The following CFAP54 variants were observed in gnomAD, a reference collection of about 807,000 sequenced individuals.
CFAP54 encodes cilia and flagella associated protein 54.
A neutral mutation model predicts 370.4 loss-of-function variants in CFAP54; 290 were observed. That is an observed-to-expected ratio of 0.78 (90% confidence interval 0.71 to 0.86). The LOEUF is 0.86. Ranked by LOEUF, CFAP54 falls within the 40% of genes least tolerant of loss-of-function variation. The probability of loss-of-function intolerance (pLI) is 0.00; values close to 1 mark genes in which losing one functional copy is unlikely to be tolerated. For missense variants in CFAP54, 3,399 were observed against 3,528.7 expected (o/e 0.96, Z 0.93); for synonymous variants, 1,206 against 1,236.5 (o/e 0.98, Z 0.52).
Position 96,784,851 on chromosome 12 carries a change from A to G in CFAP54, c.8416A>G (p.Ile2806Val), listed in dbSNP as rs1408553993. The G allele has an allele frequency of 6.5e-7, 1 of 1,530,836 alleles. No individual in the cohort carries two copies. Among genetic ancestry groups the G allele is most frequent in the South Asian group, 1.2e-5 (1 of 83,032 alleles). 94.8% of individuals were successfully genotyped at this position (1,530,836 alleles called of 1,614,324 possible). The part of the protein sequence containing the change: ...ITWILLLRYY[I>V]HLQRINNLSK... ...ATGGATCCTTCTACTGCGCTACTAT[A>G]TTCACCTTCAGAGGATTAATAATCT... The change falls in exon 61 of 68, where the codon ATT becomes GTT. Residue 2806 changes from isoleucine to valine, a missense_variant. By Grantham distance (29) the Ile-to-Val change is conservative (BLOSUM62 3). Transcript: ENST00000524981.
rs540354798 is a variant in CFAP54 at position 96,568,007 on chromosome 12, A to G, written c.2619+3242A>G. 2.0e-5 allele frequency among the ~76,000 whole-genome samples: 3 copies of G among 152,284 alleles called. No individual in the cohort carries two copies. In the East Asian group the frequency reaches 5.8e-4, roughly 29 times the overall value. ...GAAGCTCAGGGGTACTGGAAGTTCTAAGGAATTTTGGCTTTAATATTTCCC... is the reference window on the plus strand; with the variant it reads ...GAAGCTCAGGGGTACTGGAAGTTCTGAGGAATTTTGGCTTTAATATTTCCC... On this transcript the variant is annotated intron_variant, in intron 19 of 67. Transcript: ENST00000524981.
intron 5 of CFAP54, among the ~76,000 whole-genome samples, chr12:96,513,552 C>T (rs796673415): frequency 6.6e-5 from 10 of 152,254 alleles, no homozygotes; most frequent in African/African-American, 2.2e-4. Context: ...ACCAGCCTGG[C>T]CAACATGGCA....
chr12:96,698,394 C>T (rs1442863326), intron 45 of CFAP54, among the ~76,000 whole-genome samples: 1 of 152,090 alleles, frequency 6.6e-6, no homozygotes, highest in Non-Finnish European at 1.5e-5. Flanking sequence ...CATTGTAGCA[C>T]TATTCACAAT....
intron 26 of CFAP54, among the ~76,000 whole-genome samples, chr12:96,613,721 G>T (rs1038978512): frequency 2.4e-4 from 37 of 152,090 alleles, no homozygotes; most frequent in Admixed American, 7.2e-4. Flanking sequence ...CAAACTATCA[G>T]CAGAGAATAC....
chr12:96,672,436 A>T (rs774465884), intron 39 of CFAP54, among the ~76,000 whole-genome samples: 1 of 152,154 alleles, frequency 6.6e-6, no homozygotes, highest in Non-Finnish European at 1.5e-5. Context: ...GCCAATATTG[A>T]TTGGGTTGGA....
At chr12:96,715,219 T>C (rs1957662402) in intron 48 of CFAP54, among the ~76,000 whole-genome samples, 1 of 152,122 alleles carries the variant, frequency 6.6e-6, no homozygotes, top group Non-Finnish European at 1.5e-5. Context: ...GAGCAGGACT[T>C]CTGGGCAGCT....
At chr12:96,494,880 C>T (rs1048494376) in intron 1 of CFAP54, among the ~76,000 whole-genome samples, 3 of 152,058 alleles carry the variant, frequency 2.0e-5, no homozygotes, top group African/African-American at 7.2e-5. Flanking sequence ...GCGCAACCTA[C>T]CACGCCCAGC....
intron 57 of CFAP54, 127 bp downstream of exon 57, chr12:96,756,690 C>A (rs895268764): frequency 3.1e-6 from 2 of 655,478 alleles, no homozygotes; most frequent in Admixed American, 6.2e-5. Flanking sequence ...TTCATGGGGT[C>A]CATCTCAAGC....
At chr12:96,511,444 G>A (rs1375798129) in intron 4 of CFAP54, among the ~76,000 whole-genome samples, 2 of 152,062 alleles carry the variant, frequency 1.3e-5, no homozygotes, top group African/African-American at 4.8e-5. Flanking sequence ...TCAGCCTCCT[G>A]AGTAGCTGGG....
At chr12:96,720,323 A>C (rs547789077) in intron 49 of CFAP54, 82 bp from the exon 50 acceptor site, 3 of 1,173,286 alleles carry the variant, frequency 2.6e-6, no homozygotes, top group South Asian at 3.4e-5. Context: ...TTTTCAGTAC[A>C]TGAAAAATAT....
At chr12:96,782,561 CA>C (rs1206126517) in intron 60 of CFAP54, among the ~76,000 whole-genome samples, 1 of 151,912 alleles carries the variant, frequency 6.6e-6, no homozygotes, top group East Asian at 1.9e-4. Context: ...TTAATCTAAC[CA>C]AAGTTGTGAA....
intron 26 of CFAP54, among the ~76,000 whole-genome samples, chr12:96,604,668 C>T (rs1239321751): frequency 2.0e-5 from 3 of 152,222 alleles, no homozygotes; most frequent in Non-Finnish European, 4.4e-5. Context: ...ACCACCTACT[C>T]AAGCCTCAGC....
At chr12:96,515,780 C>CTAGCATCA (rs1340575577) in intron 5 of CFAP54, among the ~76,000 whole-genome samples, 1 of 151,954 alleles carries the variant, frequency 6.6e-6, no homozygotes, top group African/African-American at 2.4e-5. Context: ...GAGGTGGGCA[C>CTAGCATCA]TAGCATCATC....
At chr12:96,657,474 G>T (rs1328003213) in intron 36 of CFAP54, among the ~76,000 whole-genome samples, 1 of 152,098 alleles carries the variant, frequency 6.6e-6, no homozygotes, top group Non-Finnish European at 1.5e-5. Flanking sequence ...TACTTAAATG[G>T]ATAGTGACTG....
chr12:96,723,848 T>G (rs1295301910), intron 50 of CFAP54, among the ~76,000 whole-genome samples: 1 of 102,728 alleles, frequency 9.7e-6, no homozygotes, highest in African/African-American at 4.0e-5. Context: ...CCCACAACAG[T>G]CCCCAGAGTG....
intron 63 of CFAP54, among the ~76,000 whole-genome samples, chr12:96,804,158 G>T (rs942042125): frequency 1.3e-5 from 2 of 152,014 alleles, no homozygotes; most frequent in African/African-American, 4.8e-5. Flanking sequence ...ACTTGAATAT[G>T]GGTCTTTTGA....
At chr12:96,840,626 CTT>C (rs11445758) in intron 66 of CFAP54, among the ~76,000 whole-genome samples, 3 of 120,572 alleles carry the variant, frequency 2.5e-5, no homozygotes, top group Admixed American at 8.4e-5. Context: ...CTGTTTCTTT[CTT>C]TTTTTTTTTT....
At chr12:96,506,287 C>T (rs925120734) in intron 3 of CFAP54, among the ~76,000 whole-genome samples, 9 of 148,500 alleles carry the variant, frequency 6.1e-5, no homozygotes, top group East Asian at 2.0e-4. Context: ...TGCAGTGAGC[C>T]GAGGTCAGCC....
In CFAP54 at chr12:96,742,508, A is replaced by C; in HGVS notation, c.7141A>C (p.Ile2381Leu). The change falls in exon 52 of 68, where the codon ATT becomes CTT. Residue 2381 changes from isoleucine to leucine, a missense_variant. Ile to Leu is a conservative substitution (Grantham distance 5). Around this residue, in one of 3 missense-constraint regions of CFAP54, gnomAD observed 2,796 missense variants for 2,869.7 expected, o/e 0.97. Transcript: ENST00000524981. ...ISLNAREYFN[I>L]HLWLRCRLAL... The stretch of plus-strand genomic sequence containing the variant: ...CCTAAATGCCCGAGAATATTTCAAC[A>C]TTCATCTGTGGTTGAGGTGCCGCTT... 9 of 1,612,892 alleles carry C rather than the reference A, an allele frequency of 5.6e-6. No homozygotes were observed. The highest frequency in any genetic ancestry group is 7.6e-6 in the Non-Finnish European group (9 of 1,179,264).
Sources: allele counts gnomAD v4.1 joint callset (sites outside exome capture counted in the v4.1 genomes callset), GRCh38; gene constraint gnomAD v4.1.1; regional missense constraint gnomAD v4.1.1; transcripts MANE v1.5; gene names NCBI Gene and HGNC (gene_info 2026-07-23, HGNC 2026-07-21).